DOCK3: variants seen among roughly 807,000 people sequenced by gnomAD.
DOCK3 encodes dedicator of cytokinesis protein 3.
DOCK3 carries 60 observed loss-of-function variants against 265.6 expected under a neutral mutation model. The ratio of observed to expected loss-of-function variants is 0.23; its 90% CI spans 0.18 to 0.28. The LOEUF (loss-of-function observed/expected upper bound fraction) is 0.28, where lower values mean the gene tolerates loss of function less well. Ranked by LOEUF, DOCK3 falls within the 10% of genes least tolerant of loss-of-function variation. DOCK3 has a pLI of 1.00. For synonymous variants in DOCK3, 881 were observed against 938.0 expected (o/e 0.94, Z 1.11); for missense variants, 1,981 against 2,594.3 (o/e 0.76, Z 5.14).
intron 6 of DOCK3, among the ~76,000 whole-genome samples, chr3:51,067,537 C>T (rs971181681): frequency 6.6e-6 from 1 of 151,188 alleles, no homozygotes; most frequent in Non-Finnish European, 1.5e-5. Context: ...CTCCCCACTT[C>T]CCTTCTCCCT....
At chr3:50,678,787 G>C (rs999112086) in intron 1 of DOCK3, among the ~76,000 whole-genome samples, 1 of 145,630 alleles carries the variant, frequency 6.9e-6, no homozygotes, top group Non-Finnish European at 1.5e-5. Context: ...GACTACAGGT[G>C]TTTACTACCT....
chr3:51,000,399 G>A (rs2078436415), intron 5 of DOCK3, among the ~76,000 whole-genome samples: 1 of 152,212 alleles, frequency 6.6e-6, no homozygotes, highest in African/African-American at 2.4e-5. Context: ...CTCAGAACCA[G>A]GGACCAGGGT....
At chr3:50,874,964 A>G (rs1028951400) in intron 3 of DOCK3, among the ~76,000 whole-genome samples, 15 of 152,204 alleles carry the variant, frequency 9.9e-5, no homozygotes, top group Admixed American at 3.9e-4. Flanking sequence ...ACAGAAACAG[A>G]AAACCAAACA....
intron 44 of DOCK3, 87 bp downstream of exon 44, chr3:51,357,228 CT>C: frequency 7.0e-7 from 1 of 1,438,564 alleles, no homozygotes; most frequent in Non-Finnish European, 9.4e-7. Flanking sequence ...TTATAGTCTC[CT>C]TAGGTAGCCT....
At chr3:51,049,857 A>C (rs2080927876) in intron 5 of DOCK3, among the ~76,000 whole-genome samples, 4 of 151,000 alleles carry the variant, frequency 2.6e-5, no homozygotes. Context: ...GAACTAATAA[A>C]TGCATTTTGT....
intron 31 of DOCK3, 137 bp from the exon 32 acceptor site, chr3:51,314,843 C>G: frequency 1.8e-6 from 2 of 1,090,968 alleles, no homozygotes; most frequent in Non-Finnish European, 2.4e-6. Context: ...GAGAGTACCT[C>G]AGAAAACCAT....
Position 51,374,910 on chromosome 3 carries a change from CT to C in DOCK3, c.5412+324del, listed in dbSNP as rs1313501633. The stretch of plus-strand genomic sequence containing the variant: ...GCAAAGGTAATTGGTTCTTTGCAGC[CT>C]GTTCTGAGAAGGCAGTGGTGGACAC... On this transcript the variant is annotated intron_variant, in intron 50 of 52. Transcript: ENST00000266037. This position sits in a 1 kb window ranked among gnomAD's most constrained non-coding sequence, Gnocchi z 4.8. Among the ~76,000 whole-genome samples the C allele has an allele frequency of 2.1e-4, 32 of 152,368 alleles. No homozygotes were observed. Among genetic ancestry groups the C allele is most frequent in the Non-Finnish European group, 2.9e-4 (20 of 68,032 alleles).
At chr3:51,017,866 G>A (rs946598347) in intron 5 of DOCK3, among the ~76,000 whole-genome samples, 15 of 151,866 alleles carry the variant, frequency 9.9e-5, no homozygotes, top group Admixed American at 3.9e-4. Context: ...TGTCAACGAT[G>A]TGTGACAATT....
rs1018173959 is a variant in DOCK3, at chr3:51,089,227, T to C, written c.550-16T>C. The C allele has an allele frequency of 2.5e-6, 4 of 1,599,594 alleles. No homozygotes were observed. The highest frequency in any genetic ancestry group is 2.6e-6 in the Non-Finnish European group (3 of 1,172,590). ...CTTTCCCGGTAGAGTTTATTTTTCT[T>C]TCCTTCTTTCCATAGCATTTATCTA... On this transcript the variant is annotated splice_polypyrimidine_tract_variant and intron_variant, in intron 7 of 52. Coordinates refer to ENST00000266037, the MANE Select transcript of DOCK3 (RefSeq NM_004947.5).
In DOCK3 at chr3:51,373,106, T is replaced by C. The variant is rs72943901; in HGVS notation, c.5294-1363T>C. 8.7e-3 allele frequency among the ~76,000 whole-genome samples: 1,330 copies of C among 152,318 alleles called. 21 individuals are homozygous for C. Among genetic ancestry groups the C allele is most frequent in the African/African-American group, 0.03 (1,250 of 41,562 alleles). ...TATTACGCTGACTTCTTCAAAGTATTTTAGCCTCATCTTCTTGGACTGAAA... is the reference window on the plus strand; with the variant it reads ...TATTACGCTGACTTCTTCAAAGTATCTTAGCCTCATCTTCTTGGACTGAAA... On this transcript the variant is annotated intron_variant, in intron 49 of 52. Coordinates refer to ENST00000266037, the MANE Select transcript of DOCK3 (RefSeq NM_004947.5).
chr3:51,117,942 TG>T (rs1463740386), intron 9 of DOCK3, among the ~76,000 whole-genome samples: 6 of 152,204 alleles, frequency 3.9e-5, no homozygotes, highest in African/African-American at 7.2e-5. Flanking sequence ...AAGAGAATTT[TG>T]TGTCTCTGTC....
rs755531254 is a variant in DOCK3 at position 50,869,342 on chromosome 3, A to ATTTTTTTTTTTTTTTTTT, written c.163-20653_163-20636dup. Among the ~76,000 whole-genome samples, 443 of 70,104 alleles carry ATTTTTTTTTTTTTTTTTT rather than the reference A, an allele frequency of 6.3e-3. 219 individuals carry two copies. Among genetic ancestry groups the ATTTTTTTTTTTTTTTTTT allele is most frequent in the Non-Finnish European group, 7.6e-3 (299 of 39,204 alleles). The allele number at this position is 70,104 out of a possible 152,430, so 46.0% of individuals were successfully genotyped here. On this transcript the variant is annotated intron_variant, in intron 3 of 52. Transcript: ENST00000266037. ...TCAATTTTATTTATTTCTGCTGGGA[A>ATTTTTTTTTTTTTTTTTT]TTTTTTTTTTTTTTTTTTTTTTTTT...
At chr3:51,128,532 C>T (rs770173248) in intron 9 of DOCK3, among the ~76,000 whole-genome samples, 5 of 152,178 alleles carry the variant, frequency 3.3e-5, no homozygotes, top group Admixed American at 6.6e-5. Flanking sequence ...AATACCATGA[C>T]GGTGGATGAG....
At chr3:51,301,967 A>G (rs1242761016) in intron 27 of DOCK3, among the ~76,000 whole-genome samples, 1 of 152,180 alleles carries the variant, frequency 6.6e-6, no homozygotes, top group East Asian at 1.9e-4. Context: ...GCAGAGTTCA[A>G]ATCCTGTGAA....
At chr3:50,972,690 C>G (rs2077276841) in intron 5 of DOCK3, among the ~76,000 whole-genome samples, 1 of 152,194 alleles carries the variant, frequency 6.6e-6, no homozygotes, top group South Asian at 2.1e-4. Flanking sequence ...TCTGCTAGGA[C>G]TCCAGTGATG....
intron 9 of DOCK3, among the ~76,000 whole-genome samples, chr3:51,130,168 G>A (rs2084459209): frequency 6.6e-6 from 1 of 152,202 alleles, no homozygotes; most frequent in Non-Finnish European, 1.5e-5. Context: ...GCACACAAAT[G>A]TCTCACAATA....
chr3:50,945,389 T>G (rs1165704074), intron 5 of DOCK3, among the ~76,000 whole-genome samples: 5 of 152,194 alleles, frequency 3.3e-5, no homozygotes, highest in African/African-American at 1.2e-4. Context: ...CTTTAGTATT[T>G]TCATTTTATA....
intron 13 of DOCK3, 74 bp from the exon 14 acceptor site, chr3:51,214,048 T>C (rs1291669604): frequency 1.9e-6 from 3 of 1,591,472 alleles, no homozygotes; most frequent in Non-Finnish European, 2.6e-6. Flanking sequence ...TTCTGGAAAA[T>C]GTGACTGTGT....
intron 24 of DOCK3, among the ~76,000 whole-genome samples, chr3:51,272,524 T>C (rs1412448769): frequency 1.3e-5 from 2 of 150,546 alleles, no homozygotes; most frequent in Non-Finnish European, 3.0e-5. Context: ...CCTGACCTCA[T>C]GATCCACCCG....
Sources: allele counts gnomAD v4.1 joint callset (sites outside exome capture counted in the v4.1 genomes callset), GRCh38; gene constraint gnomAD v4.1.1; non-coding constraint Gnocchi (gnomAD v3.1); transcripts MANE v1.5; gene names NCBI Gene and HGNC (gene_info 2026-07-23, HGNC 2026-07-21).